Variants in EYS observed in about 807,000 individuals in gnomAD.
The protein encoded by EYS is EGF-like photoreceptor maintenance factor.
A neutral mutation model predicts 282.1 loss-of-function variants in EYS; 250 were observed. The ratio of observed to expected loss-of-function variants is 0.89; its 90% CI spans 0.80 to 0.98. The LOEUF (loss-of-function observed/expected upper bound fraction) is 0.98, where lower values mean the gene tolerates loss of function less well. Ranked by LOEUF, EYS falls within the 50% of genes least tolerant of loss-of-function variation. The pLI is 0.00. For missense variants in EYS, 4,016 were observed against 3,709.0 expected (o/e 1.08, Z -2.15); for synonymous variants, 1,355 against 1,282.9 (o/e 1.06, Z -1.20).
chr6:63,850,386 A>T (rs927525881), intron 36 of EYS, among the ~76,000 whole-genome samples: 1 of 152,180 alleles, frequency 6.6e-6, no homozygotes, highest in Non-Finnish European at 1.5e-5. Context: ...CAGATTCACC[A>T]AGATTGAAAT....
chr6:63,783,864 C>T (rs1770297416), intron 39 of EYS, among the ~76,000 whole-genome samples: 1 of 151,864 alleles, frequency 6.6e-6, no homozygotes, highest in Admixed American at 6.6e-5. Flanking sequence ...TGCCCAGATA[C>T]TTGGTCAAAT....
At position 64,155,475 on chromosome 6, in the gene EYS, GCT is replaced by G. The variant is rs1562228635; in HGVS notation, c.6425-73475_6425-73474del. Reference sequence around the variant, plus strand: ...TTCAGCACCAGGCTCTGTGGACCCAGCTCTGTTTTCAAGCAAAGTTAAGAGGC... The same window carrying G: ...TTCAGCACCAGGCTCTGTGGACCCAGCTGTTTTCAAGCAAAGTTAAGAGGC... On this transcript the variant is annotated intron_variant, in intron 31 of 42. Transcript: ENST00000503581. 7.9e-5 allele frequency among the ~76,000 whole-genome samples: 12 copies of G among 151,868 alleles called. No homozygotes were observed. In the South Asian group the frequency reaches 2.5e-3, roughly 32 times the overall value.
chr6:65,603,759 T>A (rs958245217), intron 2 of EYS, among the ~76,000 whole-genome samples: 1 of 151,972 alleles, frequency 6.6e-6, no homozygotes, highest in Admixed American at 6.6e-5. Context: ...ATTCCTTTTT[T>A]TCCCTCAGTG....
At chr6:65,208,787 C>T (rs1317689479) in intron 12 of EYS, among the ~76,000 whole-genome samples, 2 of 147,602 alleles carry the variant, frequency 1.4e-5, no homozygotes, top group African/African-American at 2.5e-5. Flanking sequence ...CCAGTGATGC[C>T]CAAAGTGGAT....
intron 12 of EYS, among the ~76,000 whole-genome samples, chr6:65,094,222 G>T (rs1175689536): frequency 7.1e-6 from 1 of 141,446 alleles, no homozygotes; most frequent in Non-Finnish European, 1.5e-5. Flanking sequence ...TATACATAAA[G>T]CAAACATGAC....
chr6:65,091,397 C>T (rs983826523), intron 12 of EYS, among the ~76,000 whole-genome samples: 1 of 150,962 alleles, frequency 6.6e-6, no homozygotes, highest in Admixed American at 6.6e-5. Flanking sequence ...TTACAGTGAG[C>T]TTAGATCACT....
intron 30 of EYS, among the ~76,000 whole-genome samples, chr6:64,301,401 C>T (rs1171460950): frequency 6.6e-6 from 1 of 152,166 alleles, no homozygotes; most frequent in Non-Finnish European, 1.5e-5. Flanking sequence ...ATTGCATAGA[C>T]CCAGTCTATT....
At chr6:65,092,456 T>G (rs1774601102) in intron 12 of EYS, among the ~76,000 whole-genome samples, 1 of 152,334 alleles carries the variant, frequency 6.6e-6, no homozygotes, top group African/African-American at 2.4e-5. Flanking sequence ...TAGAAGTATA[T>G]GACTATGCAA....
chr6:65,530,902 T>A (rs1354634754), intron 2 of EYS, among the ~76,000 whole-genome samples: 1 of 152,058 alleles, frequency 6.6e-6, no homozygotes, highest in African/African-American at 2.4e-5. Context: ...ATAATTCCAA[T>A]AAACATATTT....
At chr6:65,371,564 G>T (rs1399593716) in intron 8 of EYS, among the ~76,000 whole-genome samples, 1 of 151,904 alleles carries the variant, frequency 6.6e-6, no homozygotes, top group Admixed American at 6.6e-5. Context: ...GAGTTCTTAT[G>T]GGAACTTCCA....
At chr6:65,556,143 G>T (rs907253840) in intron 2 of EYS, among the ~76,000 whole-genome samples, 1 of 151,912 alleles carries the variant, frequency 6.6e-6, no homozygotes, top group Non-Finnish European at 1.5e-5. Flanking sequence ...GTTTTAGGGG[G>T]TCATTTTCAC....
chr6:63,761,738 A>G (rs1161804801), intron 41 of EYS, among the ~76,000 whole-genome samples: 1 of 151,994 alleles, frequency 6.6e-6, no homozygotes, highest in Non-Finnish European at 1.5e-5. Context: ...GAAATAGTAG[A>G]TAGTCCAGTC....
At chr6:63,868,590 T>C (rs1471014398) in intron 35 of EYS, among the ~76,000 whole-genome samples, 2 of 152,128 alleles carry the variant, frequency 1.3e-5, no homozygotes, top group Admixed American at 1.3e-4. Flanking sequence ...TGTCTCCAGA[T>C]AGTTCTGAAA....
rs569329290 is a variant in EYS at position 65,079,887 on chromosome 6, T to G, written c.2024-22160A>C. Among the ~76,000 whole-genome samples, 3 of 152,190 alleles carry G rather than the reference T, an allele frequency of 2.0e-5. No homozygotes were observed. In the South Asian group the frequency reaches 6.2e-4, roughly 32 times the overall value. ...TATTGTTTCTCAACAACCAGAAAAT[T>G]TGATGGGGCTTGAAAGACAGAAGTG... On this transcript the variant is annotated intron_variant, in intron 12 of 42. Coordinates refer to ENST00000503581, the MANE Select transcript of EYS (RefSeq NM_001142800.2).
At position 63,832,515 on chromosome 6, in the gene EYS, G is replaced by T. The variant is rs530884149; in HGVS notation, c.7229-26143C>A. Among the ~76,000 whole-genome samples, 16 of 152,220 alleles carry T rather than the reference G, an allele frequency of 1.1e-4. No homozygotes were observed. The East Asian group carries it at 2.9e-3, about 28-fold the overall frequency. On this transcript the variant is annotated intron_variant, in intron 36 of 42. Transcript: ENST00000503581. Reference sequence around the variant, plus strand: ...CATATACCCTCCCAACACTAAACCAGGAAGACGTTGAATCCCTGAATAGAC... The same window carrying T: ...CATATACCCTCCCAACACTAAACCATGAAGACGTTGAATCCCTGAATAGAC...
intron 22 of EYS, among the ~76,000 whole-genome samples, chr6:64,727,336 G>A (rs1771789407): frequency 6.6e-6 from 1 of 152,062 alleles, no homozygotes; most frequent in Non-Finnish European, 1.5e-5. Context: ...CACAAAGCAT[G>A]GAATTCTGGT....
chr6:65,558,653 A>G (rs972572165), intron 2 of EYS, among the ~76,000 whole-genome samples: 2 of 152,226 alleles, frequency 1.3e-5, no homozygotes, highest in African/African-American at 4.8e-5. Context: ...AAGATGAACA[A>G]CAAGAATACA....
At chr6:64,186,476 A>T (rs1189310900) in intron 31 of EYS, among the ~76,000 whole-genome samples, 1 of 152,194 alleles carries the variant, frequency 6.6e-6, no homozygotes, top group African/African-American at 2.4e-5. Context: ...AAGTAAGAGT[A>T]TAATTCAGCC....
intron 29 of EYS, among the ~76,000 whole-genome samples, chr6:64,315,571 G>T (rs985740614): frequency 1.3e-5 from 2 of 150,788 alleles, no homozygotes; most frequent in African/African-American, 2.4e-5. Context: ...TTTCTACCAC[G>T]ATCAAGTCAG....
Sources: allele counts gnomAD v4.1 joint callset (sites outside exome capture counted in the v4.1 genomes callset), GRCh38; gene constraint gnomAD v4.1.1; transcripts MANE v1.5; gene names NCBI Gene and HGNC (gene_info 2026-07-23, HGNC 2026-07-21).